PICALM: variants seen among roughly 807,000 people sequenced by gnomAD.
PICALM encodes the protein phosphatidylinositol binding clathrin assembly protein.
Under a neutral mutation model 80.5 loss-of-function variants are expected in PICALM, and 40 were observed. That is an observed-to-expected ratio of 0.50 (90% CI 0.39 to 0.65). PICALM has a LOEUF of 0.65. Ranked by LOEUF, PICALM falls within the 30% of genes least tolerant of loss-of-function variation. The pLI is 0.00. For synonymous variants in PICALM, 288 were observed against 260.3 expected (o/e 1.11, Z -1.02); for missense variants, 676 against 778.9 (o/e 0.87, Z 1.57).
intron 1 of PICALM, among the ~76,000 whole-genome samples, chr11:86,037,542 G>C (rs1258780084): frequency 6.6e-6 from 1 of 150,872 alleles, no homozygotes; most frequent in Non-Finnish European, 1.5e-5. Context: ...ACAGGCGTGA[G>C]CCACCGCACC....
At chr11:86,025,738 T>C (rs1342202105) in intron 3 of PICALM, among the ~76,000 whole-genome samples, 3 of 151,984 alleles carry the variant, frequency 2.0e-5, no homozygotes, top group Non-Finnish European at 2.9e-5. Context: ...TTTGTATTTT[T>C]AGTAGAGACG....
Position 86,000,729 on chromosome 11 carries a change from A to G in PICALM, c.1068T>C (p.Thr356=), listed in dbSNP as rs201745810. The change falls in exon 11 of 20, where the codon ACT becomes ACC. Residue 356 remains threonine, a synonymous_variant. Coordinates refer to ENST00000393346, the MANE Select transcript of PICALM (RefSeq NM_007166.4). ...CTGAGGTGGATACAGGAGAGGCTGC[A>G]GTTGTTAAAGAGGTATGAGGTTTCT... ...LAKKPHTSLT[T]AASPVSTSAG... The G allele has an allele frequency of 2.3e-5, 37 of 1,612,968 alleles. No individual in the cohort carries two copies. The East Asian group carries it at 8.2e-4, about 36-fold the overall frequency.
intron 13 of PICALM, among the ~76,000 whole-genome samples, chr11:85,988,317 C>T (rs1343944993): frequency 1.3e-5 from 2 of 152,108 alleles, no homozygotes; most frequent in African/African-American, 4.8e-5. Context: ...ATTCATAAAA[C>T]CACCAAGTGT....
intron 18 of PICALM, among the ~76,000 whole-genome samples, chr11:85,976,010 T>C (rs1378873203): frequency 6.6e-6 from 1 of 152,176 alleles, no homozygotes; most frequent in African/African-American, 2.4e-5. Context: ...GCAGGCACAG[T>C]AGCAATACCA....
intron 1 of PICALM, among the ~76,000 whole-genome samples, chr11:86,046,263 C>T (rs985437530): frequency 4.6e-5 from 7 of 152,120 alleles, no homozygotes; most frequent in Admixed American, 4.6e-4. Flanking sequence ...TGTACTATAA[C>T]AAGACTAACC....
chr11:86,068,692 G>A lies in PICALM; in HGVS notation c.89C>T (p.Thr30Met). The change falls in exon 1 of 20, where the codon ACG (threonine) becomes ATG (methionine). Residue 30 changes from threonine (T) to methionine (M), a missense_variant. Thr to Met is a moderately conservative substitution (Grantham distance 81, BLOSUM62 -1). Transcript: ENST00000393346. ...SAVSKTVCKA[T>M]THEIMGPKKK... Reference sequence around the variant, plus strand: ...CTTGGGCCCCATGATCTCGTGGGTCGTGGCCTTGCATACTGTCTTGGATAC... The same window carrying A: ...CTTGGGCCCCATGATCTCGTGGGTCATGGCCTTGCATACTGTCTTGGATAC... 6.2e-7 allele frequency: 1 copy of A among 1,613,340 alleles called. No homozygotes were observed.
At chr11:86,048,749 T>G (rs1206668167) in intron 1 of PICALM, among the ~76,000 whole-genome samples, 1 of 150,718 alleles carries the variant, frequency 6.6e-6, no homozygotes, top group Non-Finnish European at 1.5e-5. Context: ...GGAGAATCGC[T>G]TGAACCTGGG....
chr11:86,014,716 T>G (rs1323648464), intron 5 of PICALM, among the ~76,000 whole-genome samples, 154 bp downstream of exon 5: 1 of 152,128 alleles, frequency 6.6e-6, no homozygotes, highest in Non-Finnish European at 1.5e-5. Flanking sequence ...AATCAGAAAG[T>G]AATTTGACTT....
intron 5 of PICALM, among the ~76,000 whole-genome samples, chr11:86,014,560 A>T (rs536420189): frequency 7.2e-4 from 109 of 152,194 alleles, no homozygotes; most frequent in Non-Finnish European, 1.2e-3. Context: ...TTATTTAAAA[A>T]ATATCCCTGT....
At chr11:86,052,443 T>C (rs186336093) in intron 1 of PICALM, among the ~76,000 whole-genome samples, 3 of 152,308 alleles carry the variant, frequency 2.0e-5, no homozygotes, top group African/African-American at 7.2e-5. Flanking sequence ...AAGTTTCCTT[T>C]CTTTTATAAA....
chr11:85,983,891 A>G lies in PICALM; in HGVS notation c.1491T>C (p.Ser497=). 2 of 1,571,978 alleles carry G rather than the reference A, an allele frequency of 1.3e-6. No individual in the cohort carries two copies. Among genetic ancestry groups the G allele is most frequent in the Non-Finnish European group, 1.7e-6 (2 of 1,144,374 alleles). ...CCCCAGAATCTACAATAACATTTGT[A>G]GATTTATTTCCAAACACAGATTCAA... ...VDFESVFGNK[S]TNVIVDSGGF... The change falls in exon 14 of 20, where the codon TCT becomes TCC. Residue 497 remains serine (S), a synonymous_variant. Transcript: ENST00000393346.
At chr11:86,045,496 T>C (rs1180130156) in intron 1 of PICALM, among the ~76,000 whole-genome samples, 1 of 112,144 alleles carries the variant, frequency 8.9e-6, no homozygotes, top group Non-Finnish European at 1.7e-5. Flanking sequence ...CTAGGCAACA[T>C]AGTGAGACCC....
intron 1 of PICALM, among the ~76,000 whole-genome samples, chr11:86,039,511 C>T (rs1329350869): frequency 1.3e-5 from 2 of 152,012 alleles, no homozygotes; most frequent in Non-Finnish European, 2.9e-5. Flanking sequence ...CAGCACTTTC[C>T]CTCTCTAAAA....
chr11:85,981,992 G>A lies in PICALM; in HGVS notation c.1528C>T (p.Leu510=). The part of the protein sequence containing the change: ...VIVDSGGFDE[L]GGLLKPTVAS... ...ACTGTTGGTTTGAGAAGTCCACCTA[G>A]TTCATCAAAGCCTTAAAGTTACAAA... Residue 510 remains leucine (L), a synonymous_variant, in exon 15 of 20, where the codon CTA becomes TTA. Transcript: ENST00000393346. The A allele has an allele frequency of 6.2e-7, 1 of 1,613,258 alleles. No individual in the cohort carries two copies. The highest frequency in any genetic ancestry group is 2.2e-5 in the East Asian group (1 of 44,878).
Position 86,068,770 on chromosome 11 carries a change from T to C in PICALM, c.11A>G (p.Gln4Arg). The C allele has an allele frequency of 2.5e-6, 4 of 1,608,728 alleles. No individual in the cohort carries two copies. Among genetic ancestry groups the C allele is most frequent in the Non-Finnish European group, 3.4e-6 (4 of 1,179,010 alleles). MSG[Q>R]SLTDRITAAQ... ...GGCAGTGATTCGGTCCGTCAGGCTC[T>C]GGCCGGACATCTCTGCAGCTCCTCC... is the stretch of plus-strand genomic sequence containing the variant. The change falls in exon 1 of 20, where the codon CAG (glutamine) becomes CGG (arginine). Residue 4 changes from glutamine (Q) to arginine (R), a missense_variant. Gln to Arg is a conservative substitution (Grantham distance 43). Transcript: ENST00000393346.
intron 19 of PICALM, chr11:85,974,505 G>A (rs1209202949): frequency 5.8e-6 from 4 of 687,926 alleles, no homozygotes; most frequent in African/African-American, 1.7e-5. Context: ...TCTGTCTTTA[G>A]TATTTGCTAT....
At chr11:86,029,181 C>T (rs946257087) in intron 2 of PICALM, among the ~76,000 whole-genome samples, 2 of 151,980 alleles carry the variant, frequency 1.3e-5, no homozygotes, top group Admixed American at 6.6e-5. Flanking sequence ...CAGCCCTGGC[C>T]TTTACCTACT....
At chr11:86,051,435 C>T (rs919707631) in intron 1 of PICALM, among the ~76,000 whole-genome samples, 1 of 151,968 alleles carries the variant, frequency 6.6e-6, no homozygotes, top group African/African-American at 2.4e-5. Context: ...TGGAGGTGGG[C>T]GGATCACTTG....
At chr11:85,961,855 C>CTATTTATTTATTTATT (rs34885729) in intron 19 of PICALM, among the ~76,000 whole-genome samples, 7 of 149,366 alleles carry the variant, frequency 4.7e-5, no homozygotes, top group African/African-American at 1.7e-4. Flanking sequence ...TTCTTTCTAC[C>CTATTTATTTATTTATT]TATTTATTTA....
Sources: gnomAD v4.1 joint callset for allele counts (sites outside exome capture counted in the v4.1 genomes callset) on GRCh38, gnomAD v4.1.1 for gene constraint, MANE v1.5 for transcripts, NCBI Gene and HGNC (gene_info 2026-07-23, HGNC 2026-07-21) for gene names.